The following SHLD2 variants were observed in gnomAD, a reference collection of about 807,000 sequenced individuals.
SHLD2 encodes RINN1-REV7-interacting novel NHEJ regulator 2.
A neutral mutation model predicts 73.2 loss-of-function variants in SHLD2; 30 were observed. The observed-to-expected ratio is 0.41, with a 90% CI of 0.31 to 0.56. SHLD2 has a LOEUF of 0.56. Among genes scored for constraint, SHLD2 ranks in the 20% least tolerant of loss-of-function variants. The probability of loss-of-function intolerance (pLI) is 0.28; values close to 1 mark genes in which losing one functional copy is unlikely to be tolerated. For synonymous variants in SHLD2, 285 were observed against 370.1 expected, an observed-to-expected ratio of 0.77 and a Z score of 2.64; for missense variants, 745 against 1,055.9, an observed-to-expected ratio of 0.71 and a Z score of 4.08.
intron 3 of SHLD2, among the ~76,000 whole-genome samples, chr10:87,154,697 G>A (rs915336439): frequency 1.3e-5 from 2 of 151,990 alleles, no homozygotes; most frequent in African/African-American, 2.4e-5. Flanking sequence ...TGTTTTCACC[G>A]AACACATCTA....
chr10:87,133,815 C>T (rs1445851212), intron 2 of SHLD2, among the ~76,000 whole-genome samples: 1 of 152,218 alleles, frequency 6.6e-6, no homozygotes, highest in Non-Finnish European at 1.5e-5. Context: ...TAATATGCAA[C>T]AATAACTTTC....
Position 87,136,301 on chromosome 10 carries a change from A to G in SHLD2, c.-5-15049A>G, listed in dbSNP as rs1482532042. 2.0e-5 allele frequency among the ~76,000 whole-genome samples: 3 copies of G among 151,912 alleles called. 1 individual carries two copies. The highest frequency in any genetic ancestry group is 4.2e-4 in the South Asian group (2 of 4,804). Reference sequence around the variant, plus strand: ...CACTTTCTCACTTTCTGGCACTACAAGATGCGCTAGTATATTTAGAGACTA... The same window carrying G: ...CACTTTCTCACTTTCTGGCACTACAGGATGCGCTAGTATATTTAGAGACTA... On this transcript the variant is annotated intron_variant, in intron 2 of 9. Transcript: ENST00000298786.
intron 2 of SHLD2, among the ~76,000 whole-genome samples, chr10:87,099,390 T>C (rs548429532): frequency 2.6e-5 from 4 of 152,364 alleles, no homozygotes; most frequent in African/African-American, 9.6e-5. Context: ...TAAATCAGTC[T>C]ATTCTGGACT....
chr10:87,177,359 G>A (rs1848010549), intron 7 of SHLD2, among the ~76,000 whole-genome samples: 2 of 151,570 alleles, frequency 1.3e-5, no homozygotes, highest in South Asian at 4.2e-4. Flanking sequence ...CCATGCTGAT[G>A]ATGAAAGATT....
intron 3 of SHLD2, among the ~76,000 whole-genome samples, chr10:87,153,312 G>A (rs576798748): frequency 6.6e-6 from 1 of 152,288 alleles, no homozygotes. Context: ...AGGCTGACGC[G>A]AGAGGATTGC....
intron 8 of SHLD2, among the ~76,000 whole-genome samples, chr10:87,180,990 C>T (rs1217585585): frequency 1.3e-5 from 2 of 151,992 alleles, no homozygotes; most frequent in African/African-American, 2.4e-5. Flanking sequence ...ATTTGTAAAC[C>T]TTATTTCTCT....
At chr10:87,174,316 A>G (rs1487390530) in intron 6 of SHLD2, among the ~76,000 whole-genome samples, 1 of 149,916 alleles carries the variant, frequency 6.7e-6, no homozygotes, top group East Asian at 1.9e-4. Flanking sequence ...GTCAATCCCA[A>G]TAAATAAAAT....
intron 3 of SHLD2, among the ~76,000 whole-genome samples, chr10:87,153,799 T>C (rs1177035435): frequency 6.6e-6 from 1 of 152,208 alleles, no homozygotes; most frequent in Non-Finnish European, 1.5e-5. Context: ...ACTTGTCCAA[T>C]GTCATACATC....
chr10:87,126,400 C>T, intron 2 of SHLD2, among the ~76,000 whole-genome samples: 1 of 152,076 alleles, frequency 6.6e-6, no homozygotes, highest in Non-Finnish European at 1.5e-5. Flanking sequence ...GGGTTTTAAT[C>T]AAGATTATTG....
intron 2 of SHLD2, among the ~76,000 whole-genome samples, chr10:87,141,337 G>GTTT (rs200905992): frequency 7.4e-6 from 1 of 135,732 alleles, no homozygotes; most frequent in African/African-American, 2.7e-5. Flanking sequence ...GGTGTTCGGT[G>GTTT]TTTTTTTTTT....
chr10:87,143,020 C>T (rs1338620203), intron 2 of SHLD2, among the ~76,000 whole-genome samples: 2 of 149,898 alleles, frequency 1.3e-5, no homozygotes, highest in African/African-American at 4.9e-5. Context: ...GCCTTGACCT[C>T]CCAGGCTCAG....
rs1452696652 is a variant in SHLD2 at position 87,095,231 on chromosome 10, C to T, written c.-79C>T. 6.8e-6 allele frequency: 1 copy of T among 147,640 alleles called. No individual in the cohort carries two copies. Among genetic ancestry groups the T allele is most frequent in the African/African-American group, 2.5e-5 (1 of 39,914 alleles). The allele number at this position is 147,640 out of a possible 1,614,324, so 9.1% of individuals were successfully genotyped here. A position where few individuals can be genotyped will look rare whatever the true frequency, so the allele number is the denominator to read the frequency against. On this transcript the variant is annotated 5_prime_UTR_variant, in exon 1 of 10. Transcript: ENST00000298786. ...GGATTTGCCCGGAGGCCGCACCCGC[C>T]TCCGGCGGGGCTCTCAGGTATGTGC...
chr10:87,173,013 C>T (rs61531579), intron 6 of SHLD2, among the ~76,000 whole-genome samples: 3 of 149,392 alleles, frequency 2.0e-5, no homozygotes, highest in East Asian at 2.0e-4. Context: ...TATATAAAAG[C>T]AGAGAGAATA....
chr10:87,111,886 T>G (rs1842947662), intron 2 of SHLD2, among the ~76,000 whole-genome samples: 1 of 152,000 alleles, frequency 6.6e-6, no homozygotes, highest in South Asian at 2.1e-4. Context: ...GGGTCTAGTA[T>G]TTAGAATATG....
At chr10:87,100,443 A>G (rs1470772008) in intron 2 of SHLD2, among the ~76,000 whole-genome samples, 6 of 150,774 alleles carry the variant, frequency 4.0e-5, no homozygotes, top group African/African-American at 1.2e-4. Context: ...CCATATGTCT[A>G]TCCTTATATC....
At chr10:87,171,213 G>T (rs892635503) in intron 6 of SHLD2, among the ~76,000 whole-genome samples, 1 of 151,968 alleles carries the variant, frequency 6.6e-6, no homozygotes, top group African/African-American at 2.4e-5. Flanking sequence ...TTATTCCCAG[G>T]TATACTACTT....
At chr10:87,106,029 G>A (rs184541879) in intron 2 of SHLD2, among the ~76,000 whole-genome samples, 1 of 152,338 alleles carries the variant, frequency 6.6e-6, no homozygotes, top group East Asian at 1.9e-4. Context: ...TTGAGACGGA[G>A]TCTTGCTCTT....
At chr10:87,131,083 AC>A (rs1844395546) in intron 2 of SHLD2, among the ~76,000 whole-genome samples, 1 of 151,534 alleles carries the variant, frequency 6.6e-6, no homozygotes, top group African/African-American at 2.4e-5. Context: ...AAAAACAAAA[AC>A]CCCCCAAAAA....
intron 2 of SHLD2, among the ~76,000 whole-genome samples, chr10:87,120,319 C>T (rs1395822965): frequency 6.6e-6 from 1 of 151,732 alleles, no homozygotes; most frequent in Admixed American, 6.6e-5. Flanking sequence ...ATGATCTCGG[C>T]TCACTGCAAG....
Sources: gnomAD v4.1 joint callset for allele counts (sites outside exome capture counted in the v4.1 genomes callset) on GRCh38, gnomAD v4.1.1 for gene constraint, MANE v1.5 for transcripts, NCBI Gene and HGNC (gene_info 2026-07-23, HGNC 2026-07-21) for gene names.